RBBP8: variants seen among roughly 807,000 people sequenced by gnomAD.
The protein encoded by RBBP8 is RB binding protein 8, endonuclease.
In RBBP8, 88 loss-of-function variants were observed where a neutral mutation model predicts 108.3. The observed-to-expected ratio is 0.81, with a 90% confidence interval of 0.68 to 0.97. The LOEUF is 0.97. Ranked by LOEUF, RBBP8 falls within the 50% of genes least tolerant of loss-of-function variation. The probability of loss-of-function intolerance (pLI) is 0.00; values close to 1 mark genes in which losing one functional copy is unlikely to be tolerated. For synonymous variants in RBBP8, 332 were observed against 348.2 expected (o/e 0.95, Z 0.52); for missense variants, 1,023 against 1,049.0 (o/e 0.98, Z 0.34).
At chr18:22,937,406 G>A (rs1910667918) in intron 2 of RBBP8, among the ~76,000 whole-genome samples, 1 of 151,736 alleles carries the variant, frequency 6.6e-6, no homozygotes, top group Non-Finnish European at 1.5e-5. Flanking sequence ...TGTATTCCAT[G>A]ATGTATATAT....
At chr18:23,000,478 G>A (rs960192187) in intron 14 of RBBP8, among the ~76,000 whole-genome samples, 2 of 152,016 alleles carry the variant, frequency 1.3e-5, no homozygotes, top group African/African-American at 4.8e-5. Context: ...ACAGTGACTC[G>A]CACCTGTAAT....
intron 2 of RBBP8, among the ~76,000 whole-genome samples, chr18:22,945,139 C>T (rs1911442194): frequency 6.6e-6 from 1 of 151,914 alleles, no homozygotes. Flanking sequence ...CTAACTGCCA[C>T]CAAATAAAAA....
At chr18:23,000,273 C>T (rs1458183165) in intron 14 of RBBP8, among the ~76,000 whole-genome samples, 2 of 152,034 alleles carry the variant, frequency 1.3e-5, no homozygotes, top group African/African-American at 2.4e-5. Context: ...TGGATTTAAA[C>T]TCTAGTGTTT....
intron 2 of RBBP8, among the ~76,000 whole-genome samples, chr18:22,916,035 C>T (rs1031652): frequency 0.49 from 73,837 of 151,736 alleles, 21,256 homozygotes; most frequent in Middle Eastern, 0.66. Flanking sequence ...TGATACATTG[C>T]GATATTTTTG....
At chr18:23,000,214 T>G (rs1157059653) in intron 14 of RBBP8, among the ~76,000 whole-genome samples, 1 of 152,196 alleles carries the variant, frequency 6.6e-6, no homozygotes, top group Non-Finnish European at 1.5e-5. Context: ...GAGGTGGTAC[T>G]TATATAGAAT....
At chr18:23,014,510 G>A (rs1048769753) in intron 16 of RBBP8, among the ~76,000 whole-genome samples, 2 of 152,150 alleles carry the variant, frequency 1.3e-5, no homozygotes, top group East Asian at 3.8e-4. Context: ...GCTTGCACCT[G>A]TAGTCCTAGC....
In RBBP8 at chr18:22,936,944, T is replaced by C. The variant is rs757365480; in HGVS notation, c.93T>C (p.His31=). The C allele has an allele frequency of 5.6e-6, 9 of 1,614,000 alleles. No individual in the cohort carries two copies. Among genetic ancestry groups the C allele is most frequent in the East Asian group, 4.5e-5 (2 of 44,890 alleles). ...KDLWTKLKEC[H]DREVQGLQVK... ...TTTGGACAAAACTAAAAGAATGTCATGATAGAGAAGTACAAGGTAAAATCT... is the reference window on the plus strand; with the variant it reads ...TTTGGACAAAACTAAAAGAATGTCACGATAGAGAAGTACAAGGTAAAATCT... Residue 31 remains histidine (H), a synonymous_variant, in exon 2 of 19, where the codon CAT becomes CAC. Coordinates refer to ENST00000327155, the MANE Select transcript of RBBP8 (RefSeq NM_002894.3).
chr18:22,971,803 G>A (rs960089310), intron 5 of RBBP8, among the ~76,000 whole-genome samples: 7 of 151,040 alleles, frequency 4.6e-5, no homozygotes, highest in Admixed American at 4.6e-4. Context: ...CCACCACCAC[G>A]CCCAGCTAAT....
intron 5 of RBBP8, 150 bp downstream of exon 5, chr18:22,969,068 G>T: frequency 1.6e-6 from 1 of 631,810 alleles, no homozygotes; most frequent in Non-Finnish European, 2.7e-6. Context: ...ACTTTTTGTA[G>T]ATTTAATCTC....
chr18:22,984,778 AT>A, intron 7 of RBBP8, 107 bp from the exon 8 acceptor site: 1 of 627,740 alleles, frequency 1.6e-6, no homozygotes, highest in South Asian at 2.1e-5. Context: ...TTGGATTTAA[AT>A]ACAGATAATA....
At position 22,993,291 on chromosome 18, in the gene RBBP8, T is replaced by C. The variant is rs1915829369; in HGVS notation, c.1464T>C (p.Asp488=). Residue 488 remains aspartate, a synonymous_variant, in exon 11 of 19, where the codon GAT becomes GAC. Coordinates refer to ENST00000327155, the MANE Select transcript of RBBP8 (RefSeq NM_002894.3). ...CCATGAATGGAGACTGTGTGATGGA[T>C]AAACCTCTGGATCTGTCTGATCGAT... ...QFSMNGDCVM[D]KPLDLSDRFS... is the part of the protein sequence containing the mutation. 1.9e-6 allele frequency: 3 copies of C among 1,614,232 alleles called. No homozygotes were observed. Among genetic ancestry groups the C allele is most frequent in the Non-Finnish European group, 2.5e-6 (3 of 1,180,040 alleles).
intron 16 of RBBP8, among the ~76,000 whole-genome samples, chr18:23,007,930 A>G (rs940455044): frequency 2.6e-4 from 39 of 151,422 alleles, no homozygotes; most frequent in African/African-American, 9.2e-4. Context: ...CTCCTTCATC[A>G]GCCTCGCGAG....
chr18:22,948,328 C>T (rs1227042958), intron 3 of RBBP8, among the ~76,000 whole-genome samples: 1 of 151,658 alleles, frequency 6.6e-6, no homozygotes, highest in Non-Finnish European at 1.5e-5. Flanking sequence ...ACCTGGTGTT[C>T]CTTCTGAATT....
At chr18:22,967,337 G>A (rs1913694825) in intron 4 of RBBP8, among the ~76,000 whole-genome samples, 1 of 145,610 alleles carries the variant, frequency 6.9e-6, no homozygotes, top group African/African-American at 2.5e-5. Context: ...CTGCACTCCA[G>A]CCTGGGTGAC....
chr18:22,948,368 AT>A (rs990445925), intron 3 of RBBP8, among the ~76,000 whole-genome samples: 1 of 151,952 alleles, frequency 6.6e-6, no homozygotes, highest in South Asian at 2.1e-4. Context: ...AGTAGGAAAT[AT>A]TTTATTTATT....
intron 1 of RBBP8, chr18:22,933,796 C>G (rs1910233624): frequency 6.6e-6 from 1 of 152,168 alleles, no homozygotes; most frequent in Non-Finnish European, 1.5e-5. Context: ...GCTGAGGAAG[C>G]GCCTTTCGCC....
At chr18:22,966,508 G>T (rs8096903) in intron 4 of RBBP8, among the ~76,000 whole-genome samples, 8,818 of 151,032 alleles carry the variant, frequency 0.058, 392 homozygotes, top group African/African-American at 0.13. Flanking sequence ...GGAGGCCAGG[G>T]TGGGAGGATC....
chr18:22,967,224 G>A (rs34623893), intron 4 of RBBP8, among the ~76,000 whole-genome samples: 74,555 of 151,648 alleles, frequency 0.49, 21,688 homozygotes, highest in Middle Eastern at 0.67. Flanking sequence ...AAATTAGCCA[G>A]GAGAGGTGGC....
chr18:23,013,721 A>C (rs1296099647), intron 16 of RBBP8, among the ~76,000 whole-genome samples: 1 of 152,222 alleles, frequency 6.6e-6, no homozygotes, highest in Non-Finnish European at 1.5e-5. Flanking sequence ...TGTTAGTTTT[A>C]CAAAGGTGGT....
Sources: gnomAD v4.1 joint callset for allele counts (sites outside exome capture counted in the v4.1 genomes callset) on GRCh38, gnomAD v4.1.1 for gene constraint, MANE v1.5 for transcripts, NCBI Gene and HGNC (gene_info 2026-07-23, HGNC 2026-07-21) for gene names.